CDKN2B-AS1: variants seen among roughly 807,000 people sequenced by gnomAD.
CDKN2B-AS1 encodes CDKN2B and CDKN2A antisense cis and trans regulatory RNA 1.
chr9:22,116,315 A>G (rs890649303), intron 4 of CDKN2B-AS1, among the ~76,000 whole-genome samples: 3 of 152,218 alleles, frequency 2.0e-5, no homozygotes, highest in African/African-American at 4.8e-5. Context: ...TTCTTCAACT[A>G]GTATTTACTG....
In CDKN2B-AS1 at chr9:22,019,100, A is replaced by C. The variant is rs1587409213; in HGVS notation, n.29+23939A>C. 4.6e-5 allele frequency among the ~76,000 whole-genome samples: 7 copies of C among 152,336 alleles called. No homozygotes were observed. The South Asian group carries it at 1.4e-3, about 32-fold the overall frequency. ...GACAAAGCAAGGACATATTGAAGGAATTGTGACTGGAGCATAGGGATGGAG... is the reference window on the plus strand; with the variant it reads ...GACAAAGCAAGGACATATTGAAGGACTTGTGACTGGAGCATAGGGATGGAG... On this transcript the variant is annotated intron_variant and non_coding_transcript_variant, in intron 1 of 4. Coordinates refer to ENST00000650946, the Ensembl canonical transcript of CDKN2B-AS1.
chr9:22,084,183 G>T (rs1285019645), intron 4 of CDKN2B-AS1, among the ~76,000 whole-genome samples: 1 of 152,082 alleles, frequency 6.6e-6, no homozygotes, highest in African/African-American at 2.4e-5. Flanking sequence ...CACACCCAAG[G>T]TAATATAGTC....
At position 22,000,561 on chromosome 9, in the gene CDKN2B-AS1, T is replaced by C. The variant is rs1813046840; in HGVS notation, n.29+5400T>C. Among the ~76,000 whole-genome samples, 1 of 152,000 alleles carries C rather than the reference T, an allele frequency of 6.6e-6. No homozygotes were observed. Among genetic ancestry groups the C allele is most frequent in the South Asian group, 2.1e-4 (1 of 4,808 alleles). On this transcript the variant is annotated intron_variant and non_coding_transcript_variant, in intron 1 of 4. Coordinates refer to ENST00000650946, the Ensembl canonical transcript of CDKN2B-AS1. This position sits in a 1 kb window ranked among gnomAD's most constrained non-coding sequence, Gnocchi z 4.1. ...GGGTGCCTCTGTGCCCTAGGAAAGG[T>C]GATAGAGCTTAGAAACTCAGAACTC...
chr9:22,094,874 A>T (rs1360549873), intron 4 of CDKN2B-AS1, among the ~76,000 whole-genome samples: 1 of 142,760 alleles, frequency 7.0e-6, no homozygotes, highest in Non-Finnish European at 1.5e-5. Flanking sequence ...ATTCCTTTGG[A>T]GGAGGAGAGG....
chr9:22,072,014 C>A (rs1487078986), intron 4 of CDKN2B-AS1, among the ~76,000 whole-genome samples: 1 of 152,208 alleles, frequency 6.6e-6, no homozygotes. Context: ...AAGTGTTCAG[C>A]AGTCAGAAGA....
At position 22,018,150 on chromosome 9, in the gene CDKN2B-AS1, C is replaced by T. The variant is rs1169968080; in HGVS notation, n.29+22989C>T. On this transcript the variant is annotated intron_variant and non_coding_transcript_variant, in intron 1 of 4. Transcript: ENST00000650946. Reference sequence around the variant, plus strand: ...ACCAGCCTGACCAACATGGTGAAACCATGTCTCTACTAAAAATACAAAAAT... The same window carrying T: ...ACCAGCCTGACCAACATGGTGAAACTATGTCTCTACTAAAAATACAAAAAT... 2.6e-5 allele frequency among the ~76,000 whole-genome samples: 4 copies of T among 151,100 alleles called. No homozygotes were observed. In the South Asian group the frequency reaches 6.3e-4, roughly 24 times the overall value.
chr9:22,046,986 T>G (rs1823134925), intron 2 of CDKN2B-AS1: 2 of 152,176 alleles, frequency 1.3e-5, no homozygotes, highest in African/African-American at 4.8e-5. Context: ...TTTTTAGTAA[T>G]GTAGCCTACT....
chr9:22,092,082 T>C (rs1320336338), intron 4 of CDKN2B-AS1, among the ~76,000 whole-genome samples: 3 of 152,184 alleles, frequency 2.0e-5, no homozygotes, highest in Non-Finnish European at 4.4e-5. Context: ...GAGATTATCA[T>C]ATGGTTTTTG....
intron 1 of CDKN2B-AS1, chr9:22,004,305 A>G (rs1455873564): frequency 1.3e-5 from 3 of 232,174 alleles, no homozygotes; most frequent in Admixed American, 5.6e-5. Flanking sequence ...CCACTCTCAA[A>G]TGACTTGTTT....
At chr9:22,007,386 A>C (rs1821243703) in intron 1 of CDKN2B-AS1, among the ~76,000 whole-genome samples, 1 of 152,114 alleles carries the variant, frequency 6.6e-6, no homozygotes, top group Admixed American at 6.5e-5. Flanking sequence ...TAAATAAATA[A>C]ATAGAGCTTG....
At chr9:22,115,743 T>A (rs1035328605) in intron 4 of CDKN2B-AS1, among the ~76,000 whole-genome samples, 6 of 152,116 alleles carry the variant, frequency 3.9e-5, no homozygotes, top group Non-Finnish European at 1.5e-5. Context: ...ACTTGGGGAT[T>A]ATTGGTGGTT....
chr9:22,090,098 A>G (rs1365120234), intron 4 of CDKN2B-AS1, among the ~76,000 whole-genome samples: 1 of 150,874 alleles, frequency 6.6e-6, no homozygotes, highest in East Asian at 2.0e-4. Context: ...TGTCCTTGTG[A>G]TAATTTGCTG....
intron 4 of CDKN2B-AS1, among the ~76,000 whole-genome samples, chr9:22,061,128 C>T (rs1823802619): frequency 6.6e-6 from 1 of 152,116 alleles, no homozygotes; most frequent in African/African-American, 2.4e-5. Context: ...TGGCCAGAAC[C>T]AGCTAGATGG....
intron 1 of CDKN2B-AS1, chr9:22,009,153 G>C (rs1353875524): frequency 2.5e-5 from 17 of 689,900 alleles, no homozygotes; most frequent in Non-Finnish European, 2.7e-5. Context: ...GTTAGCTCCG[G>C]GCTTTTCCTG....
chr9:22,042,002 G>C (rs1822915438), intron 1 of CDKN2B-AS1, among the ~76,000 whole-genome samples: 1 of 151,980 alleles, frequency 6.6e-6, no homozygotes, highest in Admixed American at 6.6e-5. Flanking sequence ...CACTGTTCTG[G>C]GAATATGTTA....
chr9:22,063,874 A>G (rs962063550), intron 4 of CDKN2B-AS1: 2 of 152,306 alleles, frequency 1.3e-5, no homozygotes, highest in African/African-American at 4.8e-5. Context: ...ATTTGCAGTT[A>G]TGATATTGGG....
intron 4 of CDKN2B-AS1, among the ~76,000 whole-genome samples, chr9:22,107,512 A>C (rs1825690918): frequency 6.6e-6 from 1 of 152,218 alleles, no homozygotes; most frequent in Non-Finnish European, 1.5e-5. Context: ...TCTAGCTTTC[A>C]AATTCCAAGC....
intron 4 of CDKN2B-AS1, among the ~76,000 whole-genome samples, chr9:22,073,383 C>T (rs576447545): frequency 6.6e-6 from 1 of 152,262 alleles, no homozygotes; most frequent in East Asian, 1.9e-4. Flanking sequence ...CACTGTGCAT[C>T]TAGGCTGGGA....
intron 4 of CDKN2B-AS1, among the ~76,000 whole-genome samples, chr9:22,114,340 T>A (rs184316526): frequency 1.3e-5 from 2 of 152,194 alleles, no homozygotes; most frequent in Non-Finnish European, 1.5e-5. Context: ...TATCTCTACT[T>A]GAATCACTGT....
Sources: allele counts gnomAD v4.1 joint callset (sites outside exome capture counted in the v4.1 genomes callset), GRCh38; gene constraint gnomAD v4.1.1; non-coding constraint Gnocchi (gnomAD v3.1); transcripts MANE v1.5; gene names NCBI Gene and HGNC (gene_info 2026-07-23, HGNC 2026-07-21).